The following PAX7 variants were observed in gnomAD, a reference collection of about 807,000 sequenced individuals.
The protein encoded by PAX7 is paired box protein Pax-7.
PAX7 carries 18 observed loss-of-function variants against 50.7 expected under a neutral mutation model. That is an observed-to-expected ratio of 0.36 (90% CI 0.25 to 0.53). PAX7 has a LOEUF of 0.53. PAX7 is among the 20% of genes least tolerant of loss of function. The pLI is 0.93. For synonymous variants in PAX7, 310 were observed against 290.4 expected (o/e 1.07, Z -0.69); for missense variants, 644 against 702.9 (o/e 0.92, Z 0.95).
chr1:18,725,928 G>C (rs1297063979), intron 7 of PAX7, among the ~76,000 whole-genome samples: 1 of 152,210 alleles, frequency 6.6e-6, no homozygotes, highest in Non-Finnish European at 1.5e-5. Context: ...GATATTTCTA[G>C]ATGTTTCCAG....
intron 8 of PAX7, among the ~76,000 whole-genome samples, chr1:18,738,593 TCTC>T (rs141690618): frequency 1.9e-4 from 29 of 151,534 alleles, no homozygotes; most frequent in African/African-American, 6.8e-4. Context: ...TCCACTCCCT[TCTC>T]CTCCTGTCAC....
In PAX7 at chr1:18,744,975, A is replaced by G; in HGVS notation, c.*46A>G. 8.7e-7 allele frequency: 1 copy of G among 1,151,266 alleles called. No homozygotes were observed. The highest frequency in any genetic ancestry group is 1.3e-6 in the Non-Finnish European group (1 of 785,298). 71.3% of individuals were successfully genotyped at this position (1,151,266 alleles called of 1,614,324 possible). A position where few individuals can be genotyped will look rare whatever the true frequency, so the allele number is the denominator to read the frequency against. On this transcript the variant is annotated 3_prime_UTR_variant, in exon 9 of 9. Coordinates refer to ENST00000420770, the MANE Select transcript of PAX7 (RefSeq NM_001135254.2). Reference sequence around the variant, plus strand: ...CCAGCCCAATTCCCAGCCCAACCCTAACTGACCCCTGAGCTTCCCAGCCTT... The same window carrying G: ...CCAGCCCAATTCCCAGCCCAACCCTGACTGACCCCTGAGCTTCCCAGCCTT...
chr1:18,698,751 G>A (rs992944180), intron 5 of PAX7, among the ~76,000 whole-genome samples: 8 of 152,066 alleles, frequency 5.3e-5, no homozygotes, highest in East Asian at 1.9e-4. Flanking sequence ...TGAATCCATC[G>A]GGAGCCAGTC....
At chr1:18,669,945 G>A (rs900480226) in intron 4 of PAX7, among the ~76,000 whole-genome samples, 3 of 152,006 alleles carry the variant, frequency 2.0e-5, no homozygotes, top group Admixed American at 6.6e-5. Flanking sequence ...TTAGCTGGGC[G>A]TGGTGGCACG....
chr1:18,646,046 G>A (rs1052322820), intron 4 of PAX7, among the ~76,000 whole-genome samples: 1 of 152,170 alleles, frequency 6.6e-6, no homozygotes, highest in Non-Finnish European at 1.5e-5. Context: ...GTCCAATGTG[G>A]GGGGATATAC....
At chr1:18,724,803 A>C (rs370158937) in intron 7 of PAX7, among the ~76,000 whole-genome samples, 1 of 152,216 alleles carries the variant, frequency 6.6e-6, no homozygotes, top group East Asian at 1.9e-4. Context: ...TATTTCATTG[A>C]ATCTAAGACA....
chr1:18,647,595 A>G (rs79957791), intron 4 of PAX7, among the ~76,000 whole-genome samples: 9,580 of 152,176 alleles, frequency 0.063, 559 homozygotes, highest in African/African-American at 0.14. Flanking sequence ...GAGATCCTAG[A>G]TGTCCTCTTC....
rs563526399 is a variant in PAX7, at chr1:18,670,381, G to C, written c.587-21373G>C. Among the ~76,000 whole-genome samples, 28 of 152,282 alleles carry C rather than the reference G, an allele frequency of 1.8e-4. No individual in the cohort carries two copies. The South Asian group carries it at 5.6e-3, about 30-fold the overall frequency. On this transcript the variant is annotated intron_variant, in intron 4 of 8. Transcript: ENST00000420770. ...CTAAGGAGTGGAGCATTGCAGGGCA[G>C]GATGGAGGTGGCTTTTGTTTGCCCT...
chr1:18,646,606 G>A (rs2088343474), intron 4 of PAX7, among the ~76,000 whole-genome samples: 1 of 152,120 alleles, frequency 6.6e-6, no homozygotes, highest in Admixed American at 6.5e-5. Flanking sequence ...CCTCCCCGCC[G>A]CCCTCTCGGC....
chr1:18,735,701 C>T lies in PAX7; in HGVS notation c.1225C>T (p.Leu409=). ...QPQADFSISP[L]HGGLDSATSI... ...ACAGGCTGACTTCTCCATCTCCCCG[C>T]TGCATGGCGGCCTGGACTCGGCCAC... Residue 409 remains leucine, a synonymous_variant, in exon 8 of 9, where the codon CTG becomes TTG. Coordinates refer to ENST00000420770, the MANE Select transcript of PAX7 (RefSeq NM_001135254.2). This position sits in a 1 kb window ranked among gnomAD's most constrained non-coding sequence, Gnocchi z 4.0. 6.2e-7 allele frequency: 1 copy of T among 1,614,158 alleles called. No individual in the cohort carries two copies. Among genetic ancestry groups the T allele is most frequent in the Non-Finnish European group, 8.5e-7 (1 of 1,180,028 alleles).
In PAX7 at chr1:18,745,237, C is replaced by T. The variant is rs1219268804; in HGVS notation, c.*308C>T. On this transcript the variant is annotated 3_prime_UTR_variant, in exon 9 of 9. Coordinates refer to ENST00000420770, the MANE Select transcript of PAX7 (RefSeq NM_001135254.2). ...CCATCTCAGGCATGGAGATTGGGGC[C>T]CACCTTGAACACCTTGGGTGTCCAG... The T allele has an allele frequency of 4.8e-6, 2 of 418,764 alleles. No homozygotes were observed. Among genetic ancestry groups the T allele is most frequent in the Non-Finnish European group, 8.7e-6 (2 of 230,542 alleles). The allele number at this position is 418,764 out of a possible 1,614,324, so 25.9% of individuals were successfully genotyped here.
In PAX7 at chr1:18,631,153, CGAGCGCCA is replaced by C. The variant is rs1321110444; in HGVS notation, c.-436_-429del. The C allele has an allele frequency of 1.3e-5, 3 of 235,158 alleles. No individual in the cohort carries two copies. Among genetic ancestry groups the C allele is most frequent in the East Asian group, 6.0e-5 (1 of 16,538 alleles). The allele number at this position is 235,158 out of a possible 1,614,324, so 14.6% of individuals were successfully genotyped here. On this transcript the variant is annotated 5_prime_UTR_variant, in exon 1 of 9. Coordinates refer to ENST00000420770, the MANE Select transcript of PAX7 (RefSeq NM_001135254.2). ...TCTCCGGGCTCGGAAACTTTGGCCC[CGAGCGCCA>C]GAGCGCCAGAGCGCGAGAGCGCGGC...
intron 7 of PAX7, among the ~76,000 whole-genome samples, chr1:18,732,908 G>A (rs1390595927): frequency 6.6e-6 from 1 of 152,170 alleles, no homozygotes; most frequent in Non-Finnish European, 1.5e-5. Context: ...TCTCACGGGA[G>A]CTGACAAACC....
At position 18,631,379 on chromosome 1, in the gene PAX7, C is replaced by T. The variant is rs957869773; in HGVS notation, c.-225C>T. The T allele has an allele frequency of 8.9e-5, 48 of 541,056 alleles. No homozygotes were observed. Among genetic ancestry groups the T allele is most frequent in the Middle Eastern group, 5.0e-4 (1 of 2,006 alleles). The allele number at this position is 541,056 out of a possible 1,614,324, so 33.5% of individuals were successfully genotyped here. On this transcript the variant is annotated 5_prime_UTR_variant, in exon 1 of 9. Transcript: ENST00000420770. ...CTTCCTCGTCGTCGCCACCTTCCCT[C>T]CCCCCAACCTCCACCCCACCTCACC...
intron 4 of PAX7, among the ~76,000 whole-genome samples, chr1:18,689,902 G>A (rs58957775): frequency 1.3e-5 from 2 of 152,234 alleles, no homozygotes; most frequent in Non-Finnish European, 2.9e-5. Flanking sequence ...TTGCCCCTTG[G>A]GGGAGGGGCC....
At position 18,681,947 on chromosome 1, in the gene PAX7, A is replaced by G. The variant is rs140397288; in HGVS notation, c.587-9807A>G. Reference sequence around the variant, plus strand: ...AGAGACGGGTTTCACCATGTTGGTCAGGCTGGTCTCGAACTCCTGACCTCA... The same window carrying G: ...AGAGACGGGTTTCACCATGTTGGTCGGGCTGGTCTCGAACTCCTGACCTCA... On this transcript the variant is annotated intron_variant, in intron 4 of 8. Coordinates refer to ENST00000420770, the MANE Select transcript of PAX7 (RefSeq NM_001135254.2). Among the ~76,000 whole-genome samples the G allele has an allele frequency of 7.2e-3, 1,096 of 152,186 alleles. 14 individuals are homozygous for G. Among genetic ancestry groups the G allele is most frequent in the Non-Finnish European group, 0.012 (798 of 68,014 alleles).
Position 18,735,712 on chromosome 1 carries a change from C to T in PAX7, c.1236C>T (p.Gly412=), listed in dbSNP as rs2089701760. 6.2e-7 allele frequency: 1 copy of T among 1,614,120 alleles called. No individual in the cohort carries two copies. Among genetic ancestry groups the T allele is most frequent in the Non-Finnish European group, 8.5e-7 (1 of 1,180,028 alleles). ...ADFSISPLHG[G]LDSATSISAS... Reference sequence around the variant, plus strand: ...TCTCCATCTCCCCGCTGCATGGCGGCCTGGACTCGGCCACCTCCATCTCAG... The same window carrying T: ...TCTCCATCTCCCCGCTGCATGGCGGTCTGGACTCGGCCACCTCCATCTCAG... The change falls in exon 8 of 9, where the codon GGC becomes GGT. Residue 412 remains glycine (G), a synonymous_variant. Transcript: ENST00000420770. This position sits in a 1 kb window ranked among gnomAD's most constrained non-coding sequence, Gnocchi z 4.0.
At chr1:18,643,149 C>A (rs914332954) in intron 4 of PAX7, among the ~76,000 whole-genome samples, 1 of 152,170 alleles carries the variant, frequency 6.6e-6, no homozygotes, top group Non-Finnish European at 1.5e-5. Flanking sequence ...TTCTAGGGCG[C>A]CTTGGGCACG....
intron 5 of PAX7, among the ~76,000 whole-genome samples, chr1:18,696,330 G>A (rs1196546602): frequency 6.6e-6 from 1 of 152,084 alleles, no homozygotes; most frequent in Non-Finnish European, 1.5e-5. Context: ...GCCTCCCAAA[G>A]TGCTGGGATT....
Sources: allele counts gnomAD v4.1 joint callset (sites outside exome capture counted in the v4.1 genomes callset), GRCh38; gene constraint gnomAD v4.1.1; non-coding constraint Gnocchi (gnomAD v3.1); transcripts MANE v1.5; gene names NCBI Gene and HGNC (gene_info 2026-07-23, HGNC 2026-07-21).